The following CCDC33 variants were observed in gnomAD, a reference collection of about 807,000 sequenced individuals.
CCDC33 encodes the protein coiled-coil domain containing 33, also known as coiled-coil domain-containing protein 33.
In CCDC33, 94 loss-of-function variants were observed where a neutral mutation model predicts 91.9. That is an observed-to-expected ratio of 1.02 (90% CI 0.87 to 1.21). The LOEUF (loss-of-function observed/expected upper bound fraction) is 1.21, where lower values mean the gene tolerates loss of function less well. CCDC33 is among the 50% of genes most tolerant of loss of function. The pLI, the probability that CCDC33 is intolerant of heterozygous loss-of-function variation, is 0.00. For synonymous variants in CCDC33, 396 were observed against 374.5 expected, an observed-to-expected ratio of 1.06 and a Z score of -0.66; for missense variants, 940 against 935.5, an observed-to-expected ratio of 1.00 and a Z score of -0.06.
rs148854658 is a variant in CCDC33, at chr15:74,247,068, C to A, written c.185+2920C>A. The stretch of plus-strand genomic sequence containing the variant: ...GCTGAGGCAGGAGAATTTCTTGAAC[C>A]TGGGAGGCAGAGGTTGCAGTGAGCC... On this transcript the variant is annotated intron_variant, in intron 2 of 18. Coordinates refer to ENST00000398814, the MANE Select transcript of CCDC33 (RefSeq NM_025055.5). 6.4e-3 allele frequency among the ~76,000 whole-genome samples: 970 copies of A among 151,940 alleles called. 10 individuals carry two copies. The highest frequency in any genetic ancestry group is 0.022 in the African/African-American group (900 of 41,392).
chr15:74,250,304 A>G (rs1472212497), intron 2 of CCDC33, among the ~76,000 whole-genome samples: 3 of 152,144 alleles, frequency 2.0e-5, no homozygotes, highest in African/African-American at 7.2e-5. Context: ...TCCCAAAGTA[A>G]AGAGGATTCC....
chr15:74,203,154 C>T (rs1595866240), intron 1 of CCDC33: 4 of 985,558 alleles, frequency 4.1e-6, no homozygotes, highest in African/African-American at 1.7e-5. Flanking sequence ...GGAATCTGTC[C>T]GTTTCTTCTC....
chr15:74,223,098 G>A lies in CCDC33; in HGVS notation c.675+4237G>A, dbSNP rs539689895. ...GGGGTGCAGCACGGGGGTGTGAGTG[G>A]GGGCTGGCGTGGCTGGGGAACTGGG... On this transcript the variant is annotated intron_variant, in intron 2 of 2. Transcript: ENST00000635913. 9.9e-5 allele frequency among the ~76,000 whole-genome samples: 15 copies of A among 152,118 alleles called. No homozygotes were observed. In the East Asian group the frequency reaches 2.7e-3, roughly 28 times the overall value.
In CCDC33 at chr15:74,218,970, G is replaced by T; in HGVS notation, c.675+109G>T. On this transcript the variant is annotated intron_variant, in intron 2 of 2. Transcript: ENST00000635913. The surrounding 1 kb of genome is among the most constrained non-coding windows in gnomAD (Gnocchi z 4.8). Reference sequence around the variant, plus strand: ...GTCCTGAGCTGAGCTGAGCAGAGCAGCAGAGCTCCCAAGGCTGCCATGTTC... The same window carrying T: ...GTCCTGAGCTGAGCTGAGCAGAGCATCAGAGCTCCCAAGGCTGCCATGTTC... 1 of 1,101,482 alleles carries T rather than the reference G, an allele frequency of 9.1e-7. No homozygotes were observed. Among genetic ancestry groups the T allele is most frequent in the Non-Finnish European group, 1.2e-6 (1 of 866,318 alleles). The allele number at this position is 1,101,482 out of a possible 1,614,324, so 68.2% of individuals were successfully genotyped here.
chr15:74,282,732 G>C (rs868060394), intron 10 of CCDC33, among the ~76,000 whole-genome samples: 1 of 152,162 alleles, frequency 6.6e-6, no homozygotes, highest in Admixed American at 6.5e-5. Flanking sequence ...TGGTCCAAAT[G>C]TGAAGACACC....
Position 74,281,808 on chromosome 15 carries a change from G to A in CCDC33, c.1054G>A (p.Ala352Thr), listed in dbSNP as rs2059370845. The change falls in exon 10 of 19, where the codon GCC (alanine) becomes ACC (threonine). Residue 352 changes from alanine to threonine, a missense_variant. By Grantham distance (58) the Ala-to-Thr change is moderately conservative. Coordinates refer to ENST00000398814, the MANE Select transcript of CCDC33 (RefSeq NM_025055.5). ...CAGCCTGAAAACTATCAATGATGAG[G>A]CCCCCACAGTGGCTCTCTCCTTCCA... The part of the protein sequence containing the change: ...DTSLKTINDE[A>T]PTVALSFQLL... The A allele has an allele frequency of 1.2e-6, 2 of 1,613,994 alleles. No homozygotes were observed. The highest frequency in any genetic ancestry group is 1.1e-5 in the South Asian group (1 of 91,050).
At chr15:74,301,144 C>T (rs200813701) in intron 11 of CCDC33, 1 of 152,198 alleles carries the variant, frequency 6.6e-6, no homozygotes, top group Non-Finnish European at 1.5e-5. Context: ...GGCAACTCCC[C>T]AAATAGTCAA....
intron 7 of CCDC33, among the ~76,000 whole-genome samples, chr15:74,273,773 A>T (rs1470356127): frequency 4.7e-5 from 7 of 147,634 alleles, no homozygotes; most frequent in Admixed American, 4.1e-4. Context: ...CCAGCGAAAA[A>T]TTTTTTTTAA....
At chr15:74,268,743 T>C (rs1042132597) in intron 5 of CCDC33, among the ~76,000 whole-genome samples, 1 of 152,240 alleles carries the variant, frequency 6.6e-6, no homozygotes, top group Non-Finnish European at 1.5e-5. Context: ...GCTCCTGGTG[T>C]ACCGTCTCTG....
At chr15:74,292,180 C>T (rs1477691765) in intron 10 of CCDC33, among the ~76,000 whole-genome samples, 2 of 152,212 alleles carry the variant, frequency 1.3e-5, no homozygotes, top group Admixed American at 1.3e-4. Context: ...GCAGCCCCCA[C>T]CTTACCTGGA....
In CCDC33 at chr15:74,244,197, C is replaced by T; in HGVS notation, c.185+49C>T. On this transcript the variant is annotated intron_variant, in intron 2 of 18. Transcript: ENST00000398814. The surrounding 1 kb of genome is among the most constrained non-coding windows in gnomAD (Gnocchi z 4.2). ...GGCAGGGGATGGGTTGGGCTGTGAGCAGAAACCAGGGGACAGCTATTTGGA... is the reference window on the plus strand; with the variant it reads ...GGCAGGGGATGGGTTGGGCTGTGAGTAGAAACCAGGGGACAGCTATTTGGA... The T allele has an allele frequency of 6.4e-7, 1 of 1,571,900 alleles. No individual in the cohort carries two copies. Among genetic ancestry groups the T allele is most frequent in the Non-Finnish European group, 8.7e-7 (1 of 1,155,748 alleles).
intron 11 of CCDC33, among the ~76,000 whole-genome samples, chr15:74,308,521 G>T (rs546964944): frequency 2.2e-3 from 329 of 152,348 alleles, no homozygotes; most frequent in African/African-American, 7.1e-3. Context: ...GAGTCGAGGG[G>T]GCGGGGAGGG....
At chr15:74,206,299 G>A (rs1401868622) in intron 1 of CCDC33, among the ~76,000 whole-genome samples, 2 of 152,324 alleles carry the variant, frequency 1.3e-5, no homozygotes, top group Non-Finnish European at 1.5e-5. Flanking sequence ...GCGGGTGGCC[G>A]CGTGGCTCAA....
intron 16 of CCDC33, 61 bp from the exon 17 acceptor site, chr15:74,333,820 C>T: frequency 1.4e-6 from 2 of 1,411,894 alleles, no homozygotes; most frequent in Non-Finnish European, 2.0e-6. Context: ...TATGGTTTCC[C>T]AAGCTCACAC....
intron 1 of CCDC33, among the ~76,000 whole-genome samples, chr15:74,241,789 A>G (rs2075357519): frequency 6.6e-6 from 1 of 152,216 alleles, no homozygotes; most frequent in Non-Finnish European, 1.5e-5. Context: ...TATAGTTTGA[A>G]GGTGGAGCTG....
chr15:74,226,910 A>T (rs2074818818), intron 2 of CCDC33, among the ~76,000 whole-genome samples: 1 of 151,360 alleles, frequency 6.6e-6, no homozygotes, highest in Admixed American at 6.6e-5. Context: ...GGGAAACAGG[A>T]GGTGGAGAGA....
rs750546260 is a variant in CCDC33 at position 74,243,975 on chromosome 15, C to T, written c.22-10C>T. 23 of 1,590,572 alleles carry T rather than the reference C, an allele frequency of 1.4e-5. No homozygotes were observed. Among genetic ancestry groups the T allele is most frequent in the East Asian group, 2.2e-5 (1 of 44,736 alleles). On this transcript the variant is annotated splice_polypyrimidine_tract_variant and intron_variant, in intron 1 of 18. Transcript: ENST00000398814. ...AAAAAAAAAACACTCAGCCCTGGCT[C>T]TCCCCACAGAACACTGAAGACCCAG...
At chr15:74,225,397 C>T (rs1222493879) in intron 2 of CCDC33, among the ~76,000 whole-genome samples, 1 of 151,860 alleles carries the variant, frequency 6.6e-6, no homozygotes, top group Non-Finnish European at 1.5e-5. Context: ...GTGCCCCCAA[C>T]TCCTGAACAC....
At chr15:74,318,597 A>T (rs1280817092) in intron 11 of CCDC33, 2 of 734,484 alleles carry the variant, frequency 2.7e-6, no homozygotes, top group Non-Finnish European at 5.0e-6. Context: ...AAGATGGGGG[A>T]GCCAGGGCCC....
Sources: gnomAD v4.1 joint callset for allele counts (sites outside exome capture counted in the v4.1 genomes callset) on GRCh38, gnomAD v4.1.1 for gene constraint, Gnocchi (gnomAD v3.1) non-coding constraint, MANE v1.5 for transcripts, NCBI Gene and HGNC (gene_info 2026-07-23, HGNC 2026-07-21) for gene names.